Variants in ZNF236 observed in about 807,000 individuals in gnomAD.
The protein encoded by ZNF236 is zinc finger protein 236, also known as regulated by glucose.
A neutral mutation model predicts 191.2 loss-of-function variants in ZNF236; 50 were observed. The ratio of observed to expected loss-of-function variants is 0.26; its 90% CI spans 0.21 to 0.33. The LOEUF is 0.33. Among genes scored for constraint, ZNF236 ranks in the 10% least tolerant of loss-of-function variants. ZNF236 has a pLI of 1.00. For missense variants in ZNF236, 1,754 were observed against 2,374.5 expected (o/e 0.74, Z 5.43); for synonymous variants, 907 against 928.8 (o/e 0.98, Z 0.43).
chr18:76,828,708 C>G (rs1362398270), intron 1 of ZNF236, among the ~76,000 whole-genome samples: 1 of 152,174 alleles, frequency 6.6e-6, no homozygotes, highest in Non-Finnish European at 1.5e-5. Context: ...GCTCTGTTGC[C>G]CAGGCTGGTA....
chr18:76,896,605 A>G (rs1323255794), intron 10 of ZNF236, among the ~76,000 whole-genome samples: 1 of 151,188 alleles, frequency 6.6e-6, no homozygotes, highest in Non-Finnish European at 1.5e-5. Flanking sequence ...ACAGTACGAA[A>G]CAGTACTGCA....
chr18:76,933,902 T>C (rs1967926434), intron 25 of ZNF236, among the ~76,000 whole-genome samples: 1 of 152,150 alleles, frequency 6.6e-6, no homozygotes, highest in Admixed American at 6.5e-5. Context: ...TAGTGAGCAA[T>C]ATTTATCTAG....
At chr18:76,909,987 G>A (rs760468309) in intron 14 of ZNF236, 81 bp from the exon 15 acceptor site, 71 of 1,041,174 alleles carry the variant, frequency 6.8e-5, no homozygotes, top group Non-Finnish European at 8.7e-5. Context: ...AAAACTCGCC[G>A]AAGTGTACTT....
chr18:76,952,430 C>T (rs114322022), intron 27 of ZNF236, among the ~76,000 whole-genome samples: 2,085 of 152,316 alleles, frequency 0.014, 47 homozygotes, highest in African/African-American at 0.047. Flanking sequence ...CTGACCTGGG[C>T]TCTGACCAGG....
rs1378836030 is a variant in ZNF236 at position 76,915,667 on chromosome 18, A to G, written c.3082A>G (p.Ser1028Gly). ...THTGVKAFSC[S>G]VCNASFTTNG... ...TGCAGGAGTGAAGGCGTTCAGCTGCAGTGTGTGCAATGCTTCCTTCACCAC... is the reference window on the plus strand; with the variant it reads ...TGCAGGAGTGAAGGCGTTCAGCTGCGGTGTGTGCAATGCTTCCTTCACCAC... The change falls in exon 19 of 31, where the codon AGT (serine) becomes GGT (glycine). Residue 1028 changes from serine to glycine, a missense_variant. By Grantham distance (56) the Ser-to-Gly change is moderately conservative. Transcript: ENST00000320610. The G allele has an allele frequency of 1.1e-5, 18 of 1,613,944 alleles. No individual in the cohort carries two copies. The South Asian group carries it at 2.0e-4, about 18-fold the overall frequency.
rs1261144884 is a variant in ZNF236, at chr18:76,849,669, G to A, written c.198+1G>A. 1 of 1,560,426 alleles carries A rather than the reference G, an allele frequency of 6.4e-7. No individual in the cohort carries two copies. Among genetic ancestry groups the A allele is most frequent in the Non-Finnish European group, 8.6e-7 (1 of 1,156,414 alleles). On this transcript the variant is annotated splice_donor_variant, in intron 2 of 30. Transcript: ENST00000320610. LOFTEE classifies it high-confidence loss of function. ...GAGGGATCACGAGCGAAATGACAAGGTATGTATTTTCAAAGGTGATGTCAG... is the reference window on the plus strand; with the variant it reads ...GAGGGATCACGAGCGAAATGACAAGATATGTATTTTCAAAGGTGATGTCAG...
Position 76,881,377 on chromosome 18 carries a change from A to G in ZNF236, c.1282A>G (p.Asn428Asp). The G allele has an allele frequency of 6.2e-7, 1 of 1,614,148 alleles. No homozygotes were observed. Among genetic ancestry groups the G allele is most frequent in the Non-Finnish European group, 8.5e-7 (1 of 1,180,034 alleles). ...CAAGACCTCTGCACCACACGCTCAA[A>G]ACCCAGATGTTTCCAGCGTTTCAAA... ...HAKTSAPHAQ[N>D]PDVSSVSNEQ... Residue 428 changes from asparagine (N) to aspartate (D), a missense_variant, in exon 9 of 31, where the codon AAC becomes GAC. Physicochemically the swap from Asn to Asp is conservative, Grantham distance 23 (BLOSUM62 1). Around this residue, in one of 5 missense-constraint regions of ZNF236, gnomAD observed 126 missense variants for 110.9 expected, o/e 1.14. Transcript: ENST00000320610.
chr18:76,956,085 C>T lies in ZNF236; in HGVS notation c.5015C>T (p.Ala1672Val), dbSNP rs369768459. 43 of 1,594,254 alleles carry T rather than the reference C, an allele frequency of 2.7e-5. No individual in the cohort carries two copies. The East Asian group carries it at 6.3e-4, about 24-fold the overall frequency. ...LECDRAFSSA[A>V]VLMHHSKEVH... ...TGTGACCGCGCCTTCTCATCGGCGG[C>T]GGTGCTCATGCACCACAGCAAGGAG... Residue 1672 changes from alanine (A) to valine (V), a missense_variant, in exon 28 of 31, where the codon GCG becomes GTG. Ala to Val is a moderately conservative substitution (Grantham distance 64). Coordinates refer to ENST00000320610, the MANE Select transcript of ZNF236 (RefSeq NM_001306089.2).
At chr18:76,895,489 C>A in intron 10 of ZNF236, 1 of 702,226 alleles carries the variant, frequency 1.4e-6, no homozygotes, top group Non-Finnish European at 2.3e-6. Context: ...CGGTACTGCC[C>A]ACAGGGACTG....
rs1454861670 is a variant in ZNF236, at chr18:76,843,772, T to C, written c.56-5754T>C. The stretch of plus-strand genomic sequence containing the variant: ...GCCTGGGCTACAGAGGGAGACTCCG[T>C]CTCAAAAAAAAAAAAAAAAAAAAAA... On this transcript the variant is annotated intron_variant, in intron 1 of 30. Transcript: ENST00000320610. Among the ~76,000 whole-genome samples the C allele has an allele frequency of 1.5e-3, 6 of 3,894 alleles. No homozygotes were observed. The Admixed American group carries it at 0.018, about 11-fold the overall frequency. 2.6% of individuals were successfully genotyped at this position (3,894 alleles called of 152,430 possible).
intron 13 of ZNF236, among the ~76,000 whole-genome samples, chr18:76,905,799 A>G (rs558056221): frequency 6.6e-6 from 1 of 152,372 alleles, no homozygotes; most frequent in East Asian, 1.9e-4. Context: ...GTCATCAGCA[A>G]ATCTGAATGG....
chr18:76,837,127 T>TCCCCCCCC (rs57114708), intron 1 of ZNF236, among the ~76,000 whole-genome samples: 1 of 37,066 alleles, frequency 2.7e-5, no homozygotes, highest in Non-Finnish European at 4.9e-5. Flanking sequence ...CCGCACCCCC[T>TCCCCCCCC]CCCCCCCCCC....
chr18:76,872,478 T>A (rs1454761156), intron 5 of ZNF236, among the ~76,000 whole-genome samples: 1 of 152,160 alleles, frequency 6.6e-6, no homozygotes, highest in African/African-American at 2.4e-5. Flanking sequence ...TTAAAAATAA[T>A]AAAATTAAAA....
Position 76,903,392 on chromosome 18 carries a change from A to G in ZNF236, c.1895-988A>G, listed in dbSNP as rs1485272983. ...AGAAGACTGTTCCAGGCATGCAGCT[A>G]GGAAAGCTGGGAGAAGTGGGCTTTA... is the stretch of plus-strand genomic sequence containing the variant. On this transcript the variant is annotated intron_variant, in intron 11 of 30. Coordinates refer to ENST00000320610, the MANE Select transcript of ZNF236 (RefSeq NM_001306089.2). Among the ~76,000 whole-genome samples, 12 of 152,258 alleles carry G rather than the reference A, an allele frequency of 7.9e-5. No individual in the cohort carries two copies. In the South Asian group the frequency reaches 1.9e-3, roughly 24 times the overall value.
At position 76,910,395 on chromosome 18, in the gene ZNF236, T is replaced by G. The variant is rs530903421; in HGVS notation, c.2653+226T>G. ...CTTTGCAGCCATTCTACACGTAGTT[T>G]CCAGTCAAGAAAAGGTGGCTGAGTA... On this transcript the variant is annotated intron_variant, in intron 15 of 30. Coordinates refer to ENST00000320610, the MANE Select transcript of ZNF236 (RefSeq NM_001306089.2). Among the ~76,000 whole-genome samples the G allele has an allele frequency of 3.9e-5, 6 of 152,290 alleles. No homozygotes were observed. In the East Asian group the frequency reaches 1.2e-3, roughly 29 times the overall value.
intron 16 of ZNF236, among the ~76,000 whole-genome samples, chr18:76,911,819 C>T (rs192316813): frequency 2.6e-5 from 4 of 152,228 alleles, no homozygotes; most frequent in African/African-American, 9.6e-5. Flanking sequence ...TGTGACTGCC[C>T]TATATGTGCG....
At chr18:76,934,367 A>G (rs1039920823) in intron 25 of ZNF236, among the ~76,000 whole-genome samples, 22 of 152,262 alleles carry the variant, frequency 1.4e-4, no homozygotes, top group African/African-American at 5.1e-4. Context: ...ATCCCATAGA[A>G]TGTAAGTACT....
At chr18:76,847,184 C>T (rs1170894335) in intron 1 of ZNF236, among the ~76,000 whole-genome samples, 1 of 152,140 alleles carries the variant, frequency 6.6e-6, no homozygotes, top group Non-Finnish European at 1.5e-5. Context: ...TTTTGGGCAA[C>T]ATATTAAGTA....
chr18:76,844,162 C>A (rs1215135901), intron 1 of ZNF236, among the ~76,000 whole-genome samples: 1 of 151,612 alleles, frequency 6.6e-6, no homozygotes, highest in Non-Finnish European at 1.5e-5. Context: ...ATTGCTTGAA[C>A]CTGGGAGGTG....
Sources: allele counts gnomAD v4.1 joint callset (sites outside exome capture counted in the v4.1 genomes callset), GRCh38; gene constraint gnomAD v4.1.1; regional missense constraint gnomAD v4.1.1; transcripts MANE v1.5; gene names NCBI Gene and HGNC (gene_info 2026-07-23, HGNC 2026-07-21).